KCNJ14: variants seen among roughly 807,000 people sequenced by gnomAD.
The protein encoded by KCNJ14 is potassium inwardly rectifying channel subfamily J member 14.
KCNJ14 carries 18 observed loss-of-function variants against 24.5 expected under a neutral mutation model. That is an observed-to-expected ratio of 0.74 (90% CI 0.51 to 1.09). The LOEUF is 1.09. KCNJ14 is among the 50% of genes least tolerant of loss of function. The probability of loss-of-function intolerance (pLI) is 0.00; values close to 1 mark genes in which losing one functional copy is unlikely to be tolerated. For missense variants in KCNJ14, 633 were observed against 623.0 expected (o/e 1.02, Z -0.17); for synonymous variants, 288 against 270.8 (o/e 1.06, Z -0.63).
In KCNJ14 at chr19:48,466,102, C is replaced by T. The variant is rs890523795; in HGVS notation, c.*1325C>T. Reference sequence around the variant, plus strand: ...TTTTCTTTTTTTTTTTTTTTTGAGACTGAGTCTCGCTCTGCCGCCCAGGCT... The same window carrying T: ...TTTTCTTTTTTTTTTTTTTTTGAGATTGAGTCTCGCTCTGCCGCCCAGGCT... On this transcript the variant is annotated 3_prime_UTR_variant, in exon 3 of 3. Transcript: ENST00000342291. The T allele has an allele frequency of 1.4e-5, 2 of 145,296 alleles. No individual in the cohort carries two copies. The highest frequency in any genetic ancestry group is 3.0e-5 in the Non-Finnish European group (2 of 66,776). The allele number at this position is 145,296 out of a possible 1,614,324, so 9.0% of individuals were successfully genotyped here.
Position 48,461,785 on chromosome 19 carries a change from G to A in KCNJ14, c.61G>A (p.Ala21Thr), listed in dbSNP as rs1971600212. 1 of 1,459,588 alleles carries A rather than the reference G, an allele frequency of 6.9e-7. No individual in the cohort carries two copies. The highest frequency in any genetic ancestry group is 9.0e-7 in the Non-Finnish European group (1 of 1,108,616). 90.4% of individuals were successfully genotyped at this position (1,459,588 alleles called of 1,614,324 possible). A position where few individuals can be genotyped will look rare whatever the true frequency, so the allele number is the denominator to read the frequency against. Residue 21 changes from alanine (A) to threonine (T), a missense_variant, in exon 2 of 3, where the codon GCG (alanine) becomes ACG (threonine). Coordinates refer to ENST00000342291, the MANE Select transcript of KCNJ14 (RefSeq NM_013348.4). ...SGALDSGDSR[A>T]GDEEEAGPGL... is the part of the protein sequence containing the mutation. ...CGCCCTGGATTCGGGAGACAGCCGG[G>A]CGGGCGATGAAGAGGAGGCCGGGCC...
In KCNJ14 at chr19:48,462,610, C is replaced by T. The variant is rs867174371; in HGVS notation, c.714+172C>T. Reference sequence around the variant, plus strand: ...CACTGGGCAGCTGGGGATGTAAACCCAACAGAAAGGTATGTGACCAGCTCT... The same window carrying T: ...CACTGGGCAGCTGGGGATGTAAACCTAACAGAAAGGTATGTGACCAGCTCT... On this transcript the variant is annotated intron_variant, in intron 2 of 2. Transcript: ENST00000342291. This position sits in a 1 kb window ranked among gnomAD's most constrained non-coding sequence, Gnocchi z 4.9. Among the ~76,000 whole-genome samples the T allele has an allele frequency of 6.6e-6, 1 of 152,274 alleles. No homozygotes were observed. Among genetic ancestry groups the T allele is most frequent in the East Asian group, 1.9e-4 (1 of 5,176 alleles).
At chr19:48,460,386 G>C (rs1380496990) in intron 1 of KCNJ14, among the ~76,000 whole-genome samples, 2 of 152,118 alleles carry the variant, frequency 1.3e-5, no homozygotes, top group African/African-American at 4.8e-5. Flanking sequence ...TGGGATTACA[G>C]GCATGTGCCA....
Position 48,462,302 on chromosome 19 carries a change from A to G in KCNJ14, c.578A>G (p.Lys193Arg), listed in dbSNP as rs761242323. 60 of 1,547,886 alleles carry G rather than the reference A, an allele frequency of 3.9e-5. No homozygotes were observed. Among genetic ancestry groups the G allele is most frequent in the Admixed American group, 1.8e-4 (9 of 51,252 alleles). Residue 193 changes from lysine to arginine, a missense_variant, in exon 2 of 3, where the codon AAG becomes AGG. By Grantham distance (26) the Lys-to-Arg change is conservative (BLOSUM62 2). Transcript: ENST00000342291. This position sits in a 1 kb window ranked among gnomAD's most constrained non-coding sequence, Gnocchi z 4.9. ...ATGGCCAAGATGGCCAAACCCAAGA[A>G]GCGCAACGAGACGCTGGTCTTCAGC... ...AVMAKMAKPK[K>R]RNETLVFSEN...
intron 1 of KCNJ14, among the ~76,000 whole-genome samples, chr19:48,457,213 C>T (rs1230628164): frequency 6.6e-6 from 1 of 152,100 alleles, no homozygotes; most frequent in Non-Finnish European, 1.5e-5. Flanking sequence ...CGGGTTCCAA[C>T]AGTCCTCCCA....
At chr19:48,455,971 T>C (rs1971534729) in intron 1 of KCNJ14, 113 bp downstream of exon 1, 1 of 152,196 alleles carries the variant, frequency 6.6e-6, no homozygotes, top group Non-Finnish European at 1.5e-5. Context: ...GAGAAGACTG[T>C]GGTTTGTCAC....
At position 48,464,838 on chromosome 19, in the gene KCNJ14, A is replaced by T; in HGVS notation, c.*61A>T. The T allele has an allele frequency of 8.0e-7, 1 of 1,256,728 alleles. No individual in the cohort carries two copies. Among genetic ancestry groups the T allele is most frequent in the South Asian group, 1.3e-5 (1 of 78,564 alleles). 77.8% of individuals were successfully genotyped at this position (1,256,728 alleles called of 1,614,324 possible). A position where few individuals can be genotyped will look rare whatever the true frequency, so the allele number is the denominator to read the frequency against. The stretch of plus-strand genomic sequence containing the variant: ...TTCCCCAAGGTAGCAAGATGGAGGG[A>T]TGGGGCTCTCTCCTGGGATGGGGGC... On this transcript the variant is annotated 3_prime_UTR_variant, in exon 3 of 3. Coordinates refer to ENST00000342291, the MANE Select transcript of KCNJ14 (RefSeq NM_013348.4).
rs779029656 is a variant in KCNJ14 at position 48,464,275 on chromosome 19, C to T, written c.809C>T (p.Ser270Phe). The T allele has an allele frequency of 6.2e-6, 10 of 1,613,988 alleles. No individual in the cohort carries two copies. The highest frequency in any genetic ancestry group is 7.6e-6 in the Non-Finnish European group (9 of 1,179,970). Residue 270 changes from serine (S) to phenylalanine (F), a missense_variant, in exon 3 of 3, where the codon TCC (serine) becomes TTC (phenylalanine). Coordinates refer to ENST00000342291, the MANE Select transcript of KCNJ14 (RefSeq NM_013348.4). ...DGGTDRIFLV[S>F]PITIVHEIDS... Reference sequence around the variant, plus strand: ...GGCACCGATCGTATCTTCCTCGTGTCCCCCATCACCATCGTCCATGAGATC... The same window carrying T: ...GGCACCGATCGTATCTTCCTCGTGTTCCCCATCACCATCGTCCATGAGATC...
rs144675160 is a variant in KCNJ14 at position 48,461,931 on chromosome 19, G to A, written c.207G>A (p.Gln69=). 3.7e-5 allele frequency: 59 copies of A among 1,611,280 alleles called. No homozygotes were observed. In the East Asian group the frequency reaches 4.7e-4, roughly 13 times the overall value. ...CNVRFVNLGG[Q]GARYLSDLFT... is the part of the protein sequence containing the mutation. Reference sequence around the variant, plus strand: ...TGCGTTTCGTAAACCTGGGTGGCCAGGGCGCGCGCTACCTGAGCGACCTGT... The same window carrying A: ...TGCGTTTCGTAAACCTGGGTGGCCAAGGCGCGCGCTACCTGAGCGACCTGT... Residue 69 remains glutamine (Q), a synonymous_variant, in exon 2 of 3, where the codon CAG becomes CAA. Transcript: ENST00000342291.
In KCNJ14 at chr19:48,464,185, G is replaced by C; in HGVS notation, c.719G>C (p.Arg240Pro). 6.2e-7 allele frequency: 1 copy of C among 1,612,918 alleles called. No homozygotes were observed. The change falls in exon 3 of 3, where the codon CGT becomes CCT. Residue 240 changes from arginine (R) to proline (P), a missense_variant. Physicochemically the swap from Arg to Pro is moderately radical, Grantham distance 103. Transcript: ENST00000342291. ...GCTCCTCGCCTCCTGCTGCAGCCCC[G>C]TGTGACCCCAGAGGGTGAGTACATC... ...AHVRAQLLQP[R>P]VTPEGEYIPL...
At chr19:48,463,958 C>G (rs1350113540) in intron 2 of KCNJ14, among the ~76,000 whole-genome samples, 1 of 152,072 alleles carries the variant, frequency 6.6e-6, no homozygotes, top group African/African-American at 2.4e-5. Flanking sequence ...CCATCCTCCC[C>G]TCCTGGGTCT....
intron 1 of KCNJ14, among the ~76,000 whole-genome samples, chr19:48,457,828 C>T (rs1483994029): frequency 1.3e-5 from 2 of 152,114 alleles, no homozygotes; most frequent in Non-Finnish European, 2.9e-5. Context: ...CAGGTGCGCG[C>T]CTGTAATCAC....
chr19:48,462,505 G>C lies in KCNJ14; in HGVS notation c.714+67G>C. On this transcript the variant is annotated intron_variant, in intron 2 of 2. Transcript: ENST00000342291. The surrounding 1 kb of genome is among the most constrained non-coding windows in gnomAD (Gnocchi z 4.9). ...GGGATTGTGGGAGATGTAGGCCCGA[G>C]GGCGAGGGGCGTGCGGTCCTGGAGG... 3 of 1,243,454 alleles carry C rather than the reference G, an allele frequency of 2.4e-6. No homozygotes were observed. The highest frequency in any genetic ancestry group is 3.2e-6 in the Non-Finnish European group (3 of 923,810). 77.0% of individuals were successfully genotyped at this position (1,243,454 alleles called of 1,614,324 possible). A position where few individuals can be genotyped will look rare whatever the true frequency, so the allele number is the denominator to read the frequency against.
Position 48,466,483 on chromosome 19 carries a change from G to A in KCNJ14, c.*1706G>A, listed in dbSNP as rs1601014546. On this transcript the variant is annotated 3_prime_UTR_variant, in exon 3 of 3. Coordinates refer to ENST00000342291, the MANE Select transcript of KCNJ14 (RefSeq NM_013348.4). ...TCCCTTGGTCCCTACAACAGGCTTA[G>A]AGATGGAGTGCTAGCTAATTGGAAT... is the stretch of plus-strand genomic sequence containing the variant. 1.3e-5 allele frequency: 2 copies of A among 152,292 alleles called. No individual in the cohort carries two copies. The highest frequency in any genetic ancestry group is 2.1e-4 in the South Asian group (1 of 4,830). 9.4% of individuals were successfully genotyped at this position (152,292 alleles called of 1,614,324 possible). A position where few individuals can be genotyped will look rare whatever the true frequency, so the allele number is the denominator to read the frequency against.
chr19:48,461,880 C>A lies in KCNJ14; in HGVS notation c.156C>A (p.Phe52Leu). The change falls in exon 2 of 3, where the codon TTC (phenylalanine) becomes TTA (leucine). Residue 52 changes from phenylalanine to leucine, a missense_variant. Phe to Leu is a conservative substitution (Grantham distance 22, BLOSUM62 0). Coordinates refer to ENST00000342291, the MANE Select transcript of KCNJ14 (RefSeq NM_013348.4). Reference protein sequence around the residue: ...QSPVGRRRGRFVKKDGHCNVR... With the variant: ...QSPVGRRRGRLVKKDGHCNVR... ...CCGTGGGCCGGCGCCGCGGTCGCTT[C>A]GTCAAGAAAGACGGGCACTGCAACG... The A allele has an allele frequency of 6.3e-7, 1 of 1,591,192 alleles. No homozygotes were observed. Among genetic ancestry groups the A allele is most frequent in the Non-Finnish European group, 8.6e-7 (1 of 1,167,958 alleles).
At chr19:48,464,135 G>A (rs780069380) in intron 2 of KCNJ14, 46 bp from the exon 3 acceptor site, 17 of 1,341,366 alleles carry the variant, frequency 1.3e-5, no homozygotes, top group African/African-American at 5.8e-5. Context: ...GTCTCTGCCC[G>A]TCTCTGTGCT....
intron 1 of KCNJ14, among the ~76,000 whole-genome samples, chr19:48,457,320 A>G (rs774501338): frequency 6.6e-5 from 10 of 152,168 alleles, no homozygotes; most frequent in Non-Finnish European, 1.3e-4. Flanking sequence ...GGCTCAGGAA[A>G]GGATTTGACC....
rs1454555071 is a variant in KCNJ14 at position 48,462,084 on chromosome 19, C to A, written c.360C>A (p.Ala120=). The change falls in exon 2 of 3, where the codon GCC becomes GCA. Residue 120 remains alanine (A), a synonymous_variant. Coordinates refer to ENST00000342291, the MANE Select transcript of KCNJ14 (RefSeq NM_013348.4). This position sits in a 1 kb window ranked among gnomAD's most constrained non-coding sequence, Gnocchi z 4.9. ...LIASLHGDLA[A]PPPPAPCFSH... is the part of the protein sequence containing the mutation. ...CCTCGCTGCACGGCGACCTGGCCGCCCCGCCACCGCCCGCGCCCTGCTTCT... is the reference window on the plus strand; with the variant it reads ...CCTCGCTGCACGGCGACCTGGCCGCACCGCCACCGCCCGCGCCCTGCTTCT... 1 of 1,601,994 alleles carries A rather than the reference C, an allele frequency of 6.2e-7. No homozygotes were observed. The highest frequency in any genetic ancestry group is 8.5e-7 in the Non-Finnish European group (1 of 1,176,276).
intron 2 of KCNJ14, among the ~76,000 whole-genome samples, chr19:48,463,288 G>T (rs930154622): frequency 2.0e-5 from 3 of 152,080 alleles, no homozygotes; most frequent in African/African-American, 4.8e-5. Flanking sequence ...GGGGGTGGTG[G>T]GAGCTGCAAC....
Sources: gnomAD v4.1 joint callset for allele counts (sites outside exome capture counted in the v4.1 genomes callset) on GRCh38, gnomAD v4.1.1 for gene constraint, Gnocchi (gnomAD v3.1) non-coding constraint, MANE v1.5 for transcripts, NCBI Gene and HGNC (gene_info 2026-07-23, HGNC 2026-07-21) for gene names.